RPH3A: variants seen among roughly 807,000 people sequenced by gnomAD.
RPH3A encodes rabphilin-3A.
In RPH3A, 48 loss-of-function variants were observed where a neutral mutation model predicts 102.2. The observed-to-expected ratio is 0.47, with a 90% CI of 0.37 to 0.60. The LOEUF is 0.60. Among genes scored for constraint, RPH3A ranks in the 20% least tolerant of loss-of-function variants. The pLI is 0.00. For synonymous variants in RPH3A, 310 were observed against 324.3 expected (o/e 0.96, Z 0.47); for missense variants, 781 against 910.1 (o/e 0.86, Z 1.83).
At chr12:112,772,746 T>G (rs933017255) in intron 1 of RPH3A, among the ~76,000 whole-genome samples, 1 of 152,030 alleles carries the variant, frequency 6.6e-6, no homozygotes. Context: ...TATATATATA[T>G]TTTCCATAAG....
intron 5 of RPH3A, among the ~76,000 whole-genome samples, chr12:112,860,622 C>T (rs544683884): frequency 7.2e-5 from 11 of 152,326 alleles, no homozygotes; most frequent in South Asian, 4.1e-4. Flanking sequence ...ATTTGTCCCA[C>T]GCCCTCTTCC....
chr12:112,738,937 A>G (rs142670807), intron 1 of RPH3A, among the ~76,000 whole-genome samples: 112 of 152,268 alleles, frequency 7.4e-4, no homozygotes, highest in Non-Finnish European at 1.4e-3. Context: ...TTTCTAATGA[A>G]AGCAAAGTAG....
At chr12:112,808,531 C>T (rs1266700253) in intron 2 of RPH3A, among the ~76,000 whole-genome samples, 2 of 152,202 alleles carry the variant, frequency 1.3e-5, no homozygotes, top group Non-Finnish European at 2.9e-5. Context: ...CCCTCAGCCT[C>T]CCCTGGCTTT....
chr12:112,839,112 T>C (rs1048827624), intron 4 of RPH3A, among the ~76,000 whole-genome samples: 1 of 152,212 alleles, frequency 6.6e-6, no homozygotes, highest in Non-Finnish European at 1.5e-5. Flanking sequence ...TTAGACTTTT[T>C]CTTACCAGTG....
intron 1 of RPH3A, among the ~76,000 whole-genome samples, chr12:112,634,549 C>CA (rs59376255): frequency 0.44 from 45,544 of 103,716 alleles, 9,305 homozygotes; most frequent in East Asian, 0.68. Flanking sequence ...GAGCAAGACT[C>CA]AAAAAAAAAA....
chr12:112,670,437 C>T (rs1042515171), intron 1 of RPH3A, among the ~76,000 whole-genome samples: 5 of 152,114 alleles, frequency 3.3e-5, no homozygotes, highest in Non-Finnish European at 5.9e-5. Context: ...CCTTGGAGCT[C>T]TTTTCTACTG....
At chr12:112,800,947 C>T (rs766717961) in intron 2 of RPH3A, among the ~76,000 whole-genome samples, 1 of 152,150 alleles carries the variant, frequency 6.6e-6, no homozygotes, top group Non-Finnish European at 1.5e-5. Context: ...GTTCCCCTCT[C>T]CCCGGAAGAA....
chr12:112,819,031 AATAT>A (rs747570346), intron 2 of RPH3A, among the ~76,000 whole-genome samples: 5 of 149,926 alleles, frequency 3.3e-5, no homozygotes, highest in African/African-American at 9.8e-5. Flanking sequence ...GCATAAGAAG[AATAT>A]ATATATATAT....
intron 1 of RPH3A, among the ~76,000 whole-genome samples, chr12:112,629,666 A>G (rs2039790475): frequency 6.6e-6 from 1 of 151,784 alleles, no homozygotes; most frequent in African/African-American, 2.4e-5. Flanking sequence ...TTGTAGGGAC[A>G]AAGTCTCACT....
chr12:112,835,118 T>C lies in RPH3A; in HGVS notation c.72-1373T>C, dbSNP rs368203826. Among the ~76,000 whole-genome samples, 7 of 152,296 alleles carry C rather than the reference T, an allele frequency of 4.6e-5. No homozygotes were observed. In the East Asian group the frequency reaches 9.6e-4, roughly 21 times the overall value. On this transcript the variant is annotated intron_variant, in intron 3 of 21. Transcript: ENST00000389385. ...GTCCACCCATATACTCCACAGCAAATGTCTCATGTCTGTTTACTACTTCTT... is the reference window on the plus strand; with the variant it reads ...GTCCACCCATATACTCCACAGCAAACGTCTCATGTCTGTTTACTACTTCTT...
At chr12:112,876,405 C>A (rs1007291381) in intron 12 of RPH3A, among the ~76,000 whole-genome samples, 1 of 152,134 alleles carries the variant, frequency 6.6e-6, no homozygotes, top group Admixed American at 6.5e-5. Flanking sequence ...AAGATTCAAA[C>A]CCAGGCTGTC....
chr12:112,685,732 A>G (rs2040258708), intron 1 of RPH3A, among the ~76,000 whole-genome samples: 1 of 152,150 alleles, frequency 6.6e-6, no homozygotes, highest in Admixed American at 6.5e-5. Flanking sequence ...CAGCAGCCAC[A>G]GTGGCTTATC....
At chr12:112,825,100 G>T (rs1008776907) in intron 2 of RPH3A, among the ~76,000 whole-genome samples, 1 of 151,648 alleles carries the variant, frequency 6.6e-6, no homozygotes, top group Non-Finnish European at 1.5e-5. Flanking sequence ...TCCTCCAGGT[G>T]GGGGGCTCCA....
chr12:112,721,098 T>A (rs1191821483), intron 1 of RPH3A, among the ~76,000 whole-genome samples: 5 of 152,196 alleles, frequency 3.3e-5, no homozygotes, highest in Admixed American at 6.5e-5. Context: ...TTGAGAGGGT[T>A]AAATGAAATG....
chr12:112,820,926 C>T (rs1173326142), intron 2 of RPH3A, among the ~76,000 whole-genome samples: 2 of 152,180 alleles, frequency 1.3e-5, no homozygotes, highest in Non-Finnish European at 2.9e-5. Context: ...GTCTCTAGGA[C>T]CTCCCAGGCC....
intron 1 of RPH3A, among the ~76,000 whole-genome samples, chr12:112,637,985 A>C (rs1442127684): frequency 6.6e-6 from 1 of 151,750 alleles, no homozygotes; most frequent in Admixed American, 6.6e-5. Flanking sequence ...TACAAATCTT[A>C]TGTTGGAATC....
chr12:112,751,146 G>T (rs908180938), intron 1 of RPH3A, among the ~76,000 whole-genome samples: 7 of 152,230 alleles, frequency 4.6e-5, no homozygotes, highest in African/African-American at 1.7e-4. Context: ...TCATTGTTGA[G>T]TTTTCTGTTC....
chr12:112,576,167 A>G (rs2039357876), intron 1 of RPH3A, among the ~76,000 whole-genome samples: 2 of 152,224 alleles, frequency 1.3e-5, no homozygotes, highest in South Asian at 4.1e-4. Flanking sequence ...ACCCAAGATC[A>G]CATGAGTAGC....
chr12:112,816,714 G>C (rs1412443135), intron 2 of RPH3A, among the ~76,000 whole-genome samples: 1 of 149,442 alleles, frequency 6.7e-6, no homozygotes, highest in Non-Finnish European at 1.5e-5. Flanking sequence ...ATTATTATTA[G>C]TGTATTACTA....
Sources: allele counts gnomAD v4.1 joint callset (sites outside exome capture counted in the v4.1 genomes callset), GRCh38; gene constraint gnomAD v4.1.1; transcripts MANE v1.5; gene names NCBI Gene and HGNC (gene_info 2026-07-23, HGNC 2026-07-21).